PTPRK: variants seen among roughly 807,000 people sequenced by gnomAD.
PTPRK encodes protein tyrosine phosphatase receptor type K, also known as receptor-type tyrosine-protein phosphatase kappa.
A neutral mutation model predicts 178.0 loss-of-function variants in PTPRK; 75 were observed. The ratio of observed to expected loss-of-function variants is 0.42; its 90% CI spans 0.35 to 0.51. The LOEUF is 0.51. Ranked by LOEUF, PTPRK falls within the 20% of genes least tolerant of loss-of-function variation. The pLI, the probability that PTPRK is intolerant of heterozygous loss-of-function variation, is 0.02. For synonymous variants in PTPRK, 637 were observed against 620.6 expected, an observed-to-expected ratio of 1.03 and a Z score of -0.39; for missense variants, 1,441 against 1,797.8, an observed-to-expected ratio of 0.80 and a Z score of 3.59.
chr6:128,367,418 T>C (rs1835662087), intron 2 of PTPRK, among the ~76,000 whole-genome samples: 1 of 152,144 alleles, frequency 6.6e-6, no homozygotes, highest in African/African-American at 2.4e-5. Flanking sequence ...GGGCCCAAAG[T>C]AGTAGAAGGC....
At chr6:128,306,671 C>T (rs1026986256) in intron 3 of PTPRK, among the ~76,000 whole-genome samples, 3 of 151,934 alleles carry the variant, frequency 2.0e-5, no homozygotes, top group African/African-American at 4.8e-5. Flanking sequence ...GTGGCATGTG[C>T]CTGTAGTCCC....
chr6:128,353,153 C>T (rs560886743), intron 2 of PTPRK, among the ~76,000 whole-genome samples: 6 of 152,152 alleles, frequency 3.9e-5, no homozygotes, highest in East Asian at 3.9e-4. Flanking sequence ...ATTAGAGAAA[C>T]GCAAACTAAA....
chr6:128,095,480 T>C lies in PTPRK; in HGVS notation c.1163-5488A>G, dbSNP rs1051685873. Among the ~76,000 whole-genome samples the C allele has an allele frequency of 7.9e-5, 12 of 152,242 alleles. No individual in the cohort carries two copies. In the East Asian group the frequency reaches 2.1e-3, roughly 27 times the overall value. ...TGAAGCCATGGTTTTTAGTTTCTGTTTCTAGTGATAAGTGGAAAAGAGGGA... is the reference window on the plus strand; with the variant it reads ...TGAAGCCATGGTTTTTAGTTTCTGTCTCTAGTGATAAGTGGAAAAGAGGGA... On this transcript the variant is annotated intron_variant, in intron 7 of 29. Transcript: ENST00000368226.
chr6:128,007,689 A>C (rs555153439), intron 14 of PTPRK, among the ~76,000 whole-genome samples: 1 of 150,952 alleles, frequency 6.6e-6, no homozygotes, highest in Non-Finnish European at 1.5e-5. Context: ...AATAAAACTG[A>C]ATAGTTTAGC....
intron 7 of PTPRK, among the ~76,000 whole-genome samples, chr6:128,093,136 C>G: frequency 6.6e-6 from 1 of 152,162 alleles, no homozygotes; most frequent in East Asian, 1.9e-4. Context: ...GATATATGTT[C>G]TTGCTCCTCC....
At chr6:128,354,487 G>A (rs137858137) in intron 2 of PTPRK, among the ~76,000 whole-genome samples, 16 of 151,784 alleles carry the variant, frequency 1.1e-4, no homozygotes, top group South Asian at 2.1e-4. Context: ...TGCCCGCCTC[G>A]GCCTCCCAAA....
At chr6:128,076,368 AG>A (rs1471766759) in intron 11 of PTPRK, among the ~76,000 whole-genome samples, 1 of 152,008 alleles carries the variant, frequency 6.6e-6, no homozygotes, top group African/African-American at 2.4e-5. Context: ...TAAAGGAGGC[AG>A]GGCTCATCTG....
At chr6:128,491,667 C>T (rs1465581957) in intron 1 of PTPRK, 2 of 451,046 alleles carry the variant, frequency 4.4e-6, no homozygotes, top group African/African-American at 2.0e-5. Flanking sequence ...CATGTGAACA[C>T]CAAAATCTGC....
intron 13 of PTPRK, among the ~76,000 whole-genome samples, chr6:128,022,067 G>A (rs1773596073): frequency 6.6e-6 from 1 of 152,060 alleles, no homozygotes; most frequent in African/African-American, 2.4e-5. Flanking sequence ...CAAATCCCTC[G>A]CTTACATTAG....
At chr6:128,183,429 G>T (rs1802251121) in intron 7 of PTPRK, among the ~76,000 whole-genome samples, 1 of 152,122 alleles carries the variant, frequency 6.6e-6, no homozygotes, top group Non-Finnish European at 1.5e-5. Context: ...CAAATTATTG[G>T]ACTCTCTATC....
chr6:128,493,329 A>G (rs531170014), intron 1 of PTPRK, among the ~76,000 whole-genome samples: 21 of 152,238 alleles, frequency 1.4e-4, no homozygotes, highest in South Asian at 1.2e-3. Flanking sequence ...TTGGGAGGCC[A>G]AGGTGGGCTG....
chr6:128,406,328 T>A (rs983288086), intron 1 of PTPRK, among the ~76,000 whole-genome samples: 2 of 152,038 alleles, frequency 1.3e-5, no homozygotes, highest in African/African-American at 4.8e-5. Flanking sequence ...CCCTTGCATA[T>A]CAAAATGTTT....
chr6:128,130,828 A>C (rs1794115792), intron 7 of PTPRK, among the ~76,000 whole-genome samples: 1 of 150,510 alleles, frequency 6.6e-6, no homozygotes, highest in Non-Finnish European at 1.5e-5. Flanking sequence ...GGAATAAGGA[A>C]GTACCGATAT....
At chr6:128,009,710 A>T (rs933650576) in intron 13 of PTPRK, among the ~76,000 whole-genome samples, 1 of 151,180 alleles carries the variant, frequency 6.6e-6, no homozygotes, top group African/African-American at 2.4e-5. Flanking sequence ...CTGGGACAGA[A>T]GGGGTTAGGT....
intron 13 of PTPRK, among the ~76,000 whole-genome samples, chr6:128,023,537 G>C (rs1773835774): frequency 6.6e-6 from 1 of 151,996 alleles, no homozygotes; most frequent in South Asian, 2.1e-4. Flanking sequence ...ATTTTGGTGT[G>C]GTTTCCCAAT....
Position 127,998,859 on chromosome 6 carries a change from A to G in PTPRK, c.2540T>C (p.Val847Ala). Residue 847 changes from valine (V) to alanine (A), a missense_variant, in exon 16 of 30, where the codon GTA becomes GCA. Around this residue, in one of 4 missense-constraint regions of PTPRK, gnomAD observed 945 missense variants for 1,080.6 expected, o/e 0.87. Coordinates refer to ENST00000368226, the MANE Select transcript of PTPRK (RefSeq NM_002844.4). The part of the protein sequence containing the change: ...ATAESSRLLD[V>A]PRYLCEGTES... Reference sequence around the variant, plus strand: ...CGTCCCCTCACAGAGGTAGCGAGGTACGTCTAGAAGGCGACTGGACTCTGC... The same window carrying G: ...CGTCCCCTCACAGAGGTAGCGAGGTGCGTCTAGAAGGCGACTGGACTCTGC... 1.2e-6 allele frequency: 2 copies of G among 1,602,256 alleles called. No individual in the cohort carries two copies. The highest frequency in any genetic ancestry group is 2.2e-5 in the South Asian group (2 of 89,780).
intron 3 of PTPRK, among the ~76,000 whole-genome samples, chr6:128,296,122 C>A (rs1824312568): frequency 6.6e-6 from 1 of 152,038 alleles, no homozygotes; most frequent in Admixed American, 6.6e-5. Flanking sequence ...CCTGTCTTAA[C>A]CTCCTTCTCC....
At chr6:128,481,156 C>G (rs78582432) in intron 1 of PTPRK, among the ~76,000 whole-genome samples, 2,130 of 151,688 alleles carry the variant, frequency 0.014, 48 homozygotes, top group African/African-American at 0.048. Flanking sequence ...ACTAAAAGCT[C>G]AAATTACACC....
chr6:128,518,404 G>A (rs1858413882), intron 1 of PTPRK, among the ~76,000 whole-genome samples: 1 of 152,040 alleles, frequency 6.6e-6, no homozygotes, highest in Non-Finnish European at 1.5e-5. Context: ...TTAATTAAAG[G>A]GTAAATAACA....
Sources: allele counts gnomAD v4.1 joint callset (sites outside exome capture counted in the v4.1 genomes callset), GRCh38; gene constraint gnomAD v4.1.1; regional missense constraint gnomAD v4.1.1; transcripts MANE v1.5; gene names NCBI Gene and HGNC (gene_info 2026-07-23, HGNC 2026-07-21).